Variants in CCDC88A observed in about 807,000 individuals in gnomAD.
CCDC88A encodes the protein girdin.
A neutral mutation model predicts 234.3 loss-of-function variants in CCDC88A; 54 were observed. The observed-to-expected ratio is 0.23, with a 90% CI of 0.19 to 0.29. The LOEUF is 0.29. CCDC88A is among the 10% of genes least tolerant of loss of function. The pLI is 1.00. For missense variants in CCDC88A, 1,832 were observed against 2,123.4 expected (o/e 0.86, Z 2.70); for synonymous variants, 753 against 737.8 (o/e 1.02, Z -0.33).
rs1683775476 is a variant in CCDC88A, at chr2:55,322,624, T to C, written c.3066A>G (p.Pro1022=). The C allele has an allele frequency of 3.7e-6, 6 of 1,607,790 alleles. No individual in the cohort carries two copies. Among genetic ancestry groups the C allele is most frequent in the Non-Finnish European group, 5.1e-6 (6 of 1,174,946 alleles). Residue 1022 remains proline (P), a synonymous_variant, in exon 18 of 33, where the codon CCA becomes CCG. Coordinates refer to ENST00000436346, the MANE Select transcript of CCDC88A (RefSeq NM_001365480.1). ...DEERMVQSSP[P]ISGEDNKWER... Reference sequence around the variant, plus strand: ...CCCATTTGTTGTCTTCACCAGATATTGGAGGAGAGCTCTGTACCATCCTTT... The same window carrying C: ...CCCATTTGTTGTCTTCACCAGATATCGGAGGAGAGCTCTGTACCATCCTTT...
chr2:55,375,512 T>TATATATATATAC (rs1491498389), intron 3 of CCDC88A, among the ~76,000 whole-genome samples: 26 of 13,856 alleles, frequency 1.9e-3, no homozygotes, highest in African/African-American at 3.7e-3. Flanking sequence ...TATATATATA[T>TATATATATATAC]GTATGTATGT....
intron 4 of CCDC88A, among the ~76,000 whole-genome samples, chr2:55,374,233 G>A (rs893948727): frequency 1.3e-5 from 2 of 152,090 alleles, no homozygotes; most frequent in African/African-American, 4.8e-5. Flanking sequence ...AATTAGCATG[G>A]TGACCACGCC....
chr2:55,365,648 C>T (rs1325590850), intron 5 of CCDC88A, among the ~76,000 whole-genome samples: 1 of 152,130 alleles, frequency 6.6e-6, no homozygotes, highest in South Asian at 2.1e-4. Context: ...GTAACACACA[C>T]GATTTCTACT....
At chr2:55,409,633 T>C (rs886370860) in intron 2 of CCDC88A, among the ~76,000 whole-genome samples, 1 of 151,962 alleles carries the variant, frequency 6.6e-6, no homozygotes, top group Non-Finnish European at 1.5e-5. Flanking sequence ...ATTTAGATCC[T>C]GATGAGAGAG....
At position 55,367,528 on chromosome 2, in the gene CCDC88A, G is replaced by GTTTTTTTTTTTTTTTTTCTTTTTTTTTT; in HGVS notation, c.403-3496_403-3495insAAAAAAAAAAGAAAAAAAAAAAAAAAAA. 4.0e-5 allele frequency among the ~76,000 whole-genome samples: 4 copies of GTTTTTTTTTTTTTTTTTCTTTTTTTTTT among 99,888 alleles called. No homozygotes were observed. In the Admixed American group the frequency reaches 4.6e-4, roughly 12 times the overall value. The allele number at this position is 99,888 out of a possible 152,430, so 65.5% of individuals were successfully genotyped here. On this transcript the variant is annotated intron_variant, in intron 5 of 32. Transcript: ENST00000436346. ...TTGCTAGAAATTGTTTTATTTCCTT[G>GTTTTTTTTTTTTTTTTTCTTTTTTTTTT]TTTTTTTTTAAGAGACTGGGTCTTG...
chr2:55,299,752 T>C, intron 29 of CCDC88A, 87 bp downstream of exon 29: 1 of 824,000 alleles, frequency 1.2e-6, no homozygotes, highest in Non-Finnish European at 2.0e-6. Flanking sequence ...TTGGATTTCA[T>C]GCTTTACCCC....
intron 9 of CCDC88A, chr2:55,348,326 T>C (rs1268994997): frequency 1.3e-5 from 2 of 151,422 alleles, no homozygotes; most frequent in African/African-American, 2.5e-5. Flanking sequence ...CGGGCTGGAG[T>C]GCAATGGCGT....
At chr2:55,369,249 G>A (rs1238489851) in intron 5 of CCDC88A, among the ~76,000 whole-genome samples, 1 of 152,010 alleles carries the variant, frequency 6.6e-6, no homozygotes, top group Non-Finnish European at 1.5e-5. Context: ...CAGCCAGGCT[G>A]GTCTGGAACT....
intron 31 of CCDC88A, 55 bp from the exon 32 acceptor site, chr2:55,291,830 T>G: frequency 7.2e-7 from 1 of 1,389,774 alleles, no homozygotes; most frequent in East Asian, 2.3e-5. Flanking sequence ...AAAATACAAT[T>G]CAGAAGATAA....
rs550301572 is a variant in CCDC88A, at chr2:55,314,026, C to G, written c.3934-1447G>C. 2.0e-5 allele frequency: 3 copies of G among 152,264 alleles called. No individual in the cohort carries two copies. In the South Asian group the frequency reaches 6.2e-4, roughly 32 times the overall value. 9.4% of individuals were successfully genotyped at this position (152,264 alleles called of 1,614,324 possible). ...TTTCCTTCTTCTTGAATTTGGAATG[C>G]TTTTGGCCAAGAGAAAGAGGTGGAA... On this transcript the variant is annotated intron_variant, in intron 22 of 32. Coordinates refer to ENST00000436346, the MANE Select transcript of CCDC88A (RefSeq NM_001365480.1).
At chr2:55,413,009 G>C (rs186962588) in intron 2 of CCDC88A, among the ~76,000 whole-genome samples, 1 of 151,950 alleles carries the variant, frequency 6.6e-6, no homozygotes, top group African/African-American at 2.4e-5. Flanking sequence ...TTCAAGACCA[G>C]CCTGGGCAAA....
In CCDC88A at chr2:55,301,979, T is replaced by C; in HGVS notation, c.4565A>G (p.Lys1522Arg). Residue 1522 changes from lysine (K) to arginine (R), a missense_variant, in exon 27 of 33, where the codon AAA (lysine) becomes AGA (arginine). By Grantham distance (26) the Lys-to-Arg change is conservative. Around this residue, in one of 6 missense-constraint regions of CCDC88A, gnomAD observed 422 missense variants for 416.5 expected, o/e 1.01. Transcript: ENST00000436346. Reference sequence around the variant, plus strand: ...CATAGCTCCCAATTCTTTTCTCCTTTTACCCGTTGAAATATCATCAGGAAC... The same window carrying C: ...CATAGCTCCCAATTCTTTTCTCCTTCTACCCGTTGAAATATCATCAGGAAC... ...LEVPDDISTG[K>R]RRKELGAMAF... 3 of 1,614,160 alleles carry C rather than the reference T, an allele frequency of 1.9e-6. No homozygotes were observed. The highest frequency in any genetic ancestry group is 2.5e-6 in the Non-Finnish European group (3 of 1,179,980).
chr2:55,374,223 A>G (rs769198093), intron 4 of CCDC88A, among the ~76,000 whole-genome samples: 1 of 152,034 alleles, frequency 6.6e-6, no homozygotes, highest in Non-Finnish European at 1.5e-5. Context: ...AAAATACAGA[A>G]ATTAGCATGG....
At chr2:55,305,926 T>G (rs1335491014) in intron 25 of CCDC88A, among the ~76,000 whole-genome samples, 1 of 152,130 alleles carries the variant, frequency 6.6e-6, no homozygotes, top group African/African-American at 2.4e-5. Flanking sequence ...TCTTTTTTGT[T>G]TTTTTTGAGA....
In CCDC88A at chr2:55,354,604, C is replaced by G. The variant is rs1401819980; in HGVS notation, c.800+975G>C. On this transcript the variant is annotated intron_variant, in intron 8 of 32. Transcript: ENST00000436346. ...TTTGAGACAGAGTCTCGCTCTGTCA[C>G]CCAGGCTGGAGTGCAGTGTCACCAT... is the stretch of plus-strand genomic sequence containing the variant. Among the ~76,000 whole-genome samples the G allele has an allele frequency of 4.0e-5, 6 of 150,588 alleles. No homozygotes were observed. In the East Asian group the frequency reaches 7.9e-4, roughly 20 times the overall value.
chr2:55,350,446 T>C (rs1382812831), intron 8 of CCDC88A: 1 of 152,012 alleles, frequency 6.6e-6, no homozygotes, highest in African/African-American at 2.4e-5. Flanking sequence ...ATCTCCCATT[T>C]TCTCTCTCTC....
intron 7 of CCDC88A, among the ~76,000 whole-genome samples, chr2:55,360,808 T>C (rs1278157823): frequency 6.6e-6 from 1 of 151,920 alleles, no homozygotes; most frequent in Non-Finnish European, 1.5e-5. Context: ...AAAGCATAGG[T>C]TGGGTGCAGT....
intron 23 of CCDC88A, among the ~76,000 whole-genome samples, chr2:55,311,472 G>T (rs1455104375): frequency 6.6e-6 from 1 of 152,190 alleles, no homozygotes; most frequent in African/African-American, 2.4e-5. Flanking sequence ...CATCAAGTCT[G>T]AGAGGCACAG....
At chr2:55,355,245 A>G in intron 8 of CCDC88A, 1 of 241,828 alleles carries the variant, frequency 4.1e-6, no homozygotes, top group Non-Finnish European at 8.0e-6. Context: ...GAGTTATTAG[A>G]CTTATTGATC....
Sources: gnomAD v4.1 joint callset for allele counts (sites outside exome capture counted in the v4.1 genomes callset) on GRCh38, gnomAD v4.1.1 for gene constraint, gnomAD v4.1.1 regional missense constraint, MANE v1.5 for transcripts, NCBI Gene and HGNC (gene_info 2026-07-23, HGNC 2026-07-21) for gene names.